The following ZNF678 variants were observed in gnomAD, a reference collection of about 807,000 sequenced individuals.
ZNF678 encodes hypothetical protein MGC42493.
A neutral mutation model predicts 3.0 loss-of-function variants in ZNF678; 5 were observed. The ratio of observed to expected loss-of-function variants is 1.69; its 90% confidence interval spans 0.88 to 3.56. ZNF678 has a LOEUF of 3.56. ZNF678 is among the 30% of genes most tolerant of loss of function. The pLI, the probability that ZNF678 is intolerant of heterozygous loss-of-function variation, is 0.00. For synonymous variants in ZNF678, 218 were observed against 199.6 expected, an observed-to-expected ratio of 1.09 and a Z score of -0.78; for missense variants, 593 against 605.0, an observed-to-expected ratio of 0.98 and a Z score of 0.21.
At chr1:227,565,719 T>C (rs755110416) in intron 1 of ZNF678, among the ~76,000 whole-genome samples, 16 of 152,234 alleles carry the variant, frequency 1.1e-4, no homozygotes, top group South Asian at 2.1e-4. Flanking sequence ...TTGAAAACTT[T>C]GGAAACTTTA....
chr1:227,648,220 A>G (rs569054328), intron 2 of ZNF678, among the ~76,000 whole-genome samples: 5 of 152,186 alleles, frequency 3.3e-5, no homozygotes, highest in Non-Finnish European at 7.4e-5. Context: ...TGCTGAGCGT[A>G]TATTAAACTC....
intron 1 of ZNF678, among the ~76,000 whole-genome samples, chr1:227,586,015 C>T (rs1237518953): frequency 6.6e-6 from 1 of 152,030 alleles, no homozygotes; most frequent in African/African-American, 2.4e-5. Flanking sequence ...TTCAACATGT[C>T]CACTTTTCAG....
At chr1:227,580,894 C>G (rs1043785158) in intron 1 of ZNF678, among the ~76,000 whole-genome samples, 1 of 150,804 alleles carries the variant, frequency 6.6e-6, no homozygotes, top group African/African-American at 2.4e-5. Context: ...CCCGCCTTTG[C>G]ACTCCAGCCT....
chr1:227,594,094 A>G (rs989399476), intron 1 of ZNF678, among the ~76,000 whole-genome samples: 2 of 152,130 alleles, frequency 1.3e-5, no homozygotes, highest in African/African-American at 4.8e-5. Flanking sequence ...TTTTAAAGAA[A>G]TTGACCTTTT....
chr1:227,601,359 G>A (rs1490561013), intron 1 of ZNF678, among the ~76,000 whole-genome samples: 2 of 151,964 alleles, frequency 1.3e-5, no homozygotes, highest in Non-Finnish European at 2.9e-5. Context: ...TTTTTTAAAT[G>A]CATGACCTTG....
At chr1:227,665,331 A>T (rs1020685128), downstream of ZNF678, among the ~76,000 whole-genome samples, 2 of 152,190 alleles carry the variant, frequency 1.3e-5, no homozygotes, top group African/African-American at 4.8e-5. Flanking sequence ...TTTCCATTAT[A>T]TGTAAAATCA....
intron 1 of ZNF678, among the ~76,000 whole-genome samples, chr1:227,606,126 G>A (rs1344336807): frequency 6.6e-6 from 1 of 152,236 alleles, no homozygotes; most frequent in South Asian, 2.1e-4. Context: ...AAGAACAGGG[G>A]GCCCAGGGGA....
chr1:227,605,880 T>C lies in ZNF678; in HGVS notation c.-163-40664T>C, dbSNP rs184040268. The stretch of plus-strand genomic sequence containing the variant: ...ACACACACACACAAATTGGGGAAAC[T>C]TGTGGAAGTATAAGCATAAATGGAT... On this transcript the variant is annotated intron_variant, in intron 1 of 3. Coordinates refer to ENST00000343776, the MANE Select transcript of ZNF678 (RefSeq NM_001367909.1). 2.2e-3 allele frequency among the ~76,000 whole-genome samples: 342 copies of C among 152,316 alleles called. 2 individuals are homozygous for C. The highest frequency in any genetic ancestry group is 7.9e-3 in the African/African-American group (329 of 41,562).
downstream of ZNF678, among the ~76,000 whole-genome samples, chr1:227,677,860 A>G (rs1659710666): frequency 6.6e-6 from 1 of 152,232 alleles, no homozygotes; most frequent in Non-Finnish European, 1.5e-5. Context: ...AATAAACTAC[A>G]TCTGTCCAAG....
intron 1 of ZNF678, among the ~76,000 whole-genome samples, chr1:227,632,664 C>CA (rs1658576483): frequency 6.6e-6 from 1 of 152,138 alleles, no homozygotes; most frequent in Admixed American, 6.5e-5. Flanking sequence ...GTCTGGCAGC[C>CA]ACGCTGATCG....
Position 227,660,218 on chromosome 1 carries a change from C to A in ZNF678, c.*4390C>A, listed in dbSNP as rs1291431783. 1 of 151,588 alleles carries A rather than the reference C, an allele frequency of 6.6e-6. No homozygotes were observed. The highest frequency in any genetic ancestry group is 1.5e-5 in the Non-Finnish European group (1 of 67,946). The allele number at this position is 151,588 out of a possible 1,614,324, so 9.4% of individuals were successfully genotyped here. On this transcript the variant is annotated 3_prime_UTR_variant, in exon 4 of 4. Transcript: ENST00000343776. ...TTGACTGTCAAGTAGTGCAGTGCTT[C>A]CAACCTTCAGAGTCTTTTACTGTAC...
chr1:227,653,191 C>G (rs1659130115), intron 3 of ZNF678, among the ~76,000 whole-genome samples: 1 of 152,048 alleles, frequency 6.6e-6, no homozygotes, highest in South Asian at 2.1e-4. Flanking sequence ...CTTTCAACAT[C>G]TTATTCCTCT....
At chr1:227,611,616 C>G (rs552650173) in intron 1 of ZNF678, among the ~76,000 whole-genome samples, 2 of 152,306 alleles carry the variant, frequency 1.3e-5, no homozygotes, top group South Asian at 2.1e-4. Flanking sequence ...GGCTCTTCCA[C>G]TAGTCCCATG....
chr1:227,634,637 A>G (rs1483407099), intron 1 of ZNF678, among the ~76,000 whole-genome samples: 1 of 152,178 alleles, frequency 6.6e-6, no homozygotes, highest in East Asian at 1.9e-4. Flanking sequence ...TGCCTTTGGA[A>G]CAAAATGAGG....
chr1:227,564,526 G>C (rs1239107184), intron 1 of ZNF678, among the ~76,000 whole-genome samples: 1 of 152,080 alleles, frequency 6.6e-6, no homozygotes, highest in East Asian at 1.9e-4. Context: ...CCACTCCTCT[G>C]TTCTCCCAGC....
intron 1 of ZNF678, among the ~76,000 whole-genome samples, chr1:227,613,497 C>A (rs986438745): frequency 6.6e-6 from 1 of 152,168 alleles, no homozygotes; most frequent in Admixed American, 6.5e-5. Flanking sequence ...GATTTCACCT[C>A]GAGATGTGGC....
In ZNF678 at chr1:227,658,815, T is replaced by C. The variant is rs1659324069; in HGVS notation, c.*2987T>C. On this transcript the variant is annotated 3_prime_UTR_variant, in exon 4 of 4. Coordinates refer to ENST00000343776, the MANE Select transcript of ZNF678 (RefSeq NM_001367909.1). ...GATTAAATTACTGAGTTAGTAATGT[T>C]TGTATGAAAGAAATGTTATTAGATT... The C allele has an allele frequency of 6.6e-6, 1 of 152,066 alleles. No individual in the cohort carries two copies. Among genetic ancestry groups the C allele is most frequent in the South Asian group, 2.1e-4 (1 of 4,828 alleles). 9.4% of individuals were successfully genotyped at this position (152,066 alleles called of 1,614,324 possible). A position where few individuals can be genotyped will look rare whatever the true frequency, so the allele number is the denominator to read the frequency against.
At chr1:227,574,279 A>G (rs909786321) in intron 1 of ZNF678, among the ~76,000 whole-genome samples, 1 of 152,140 alleles carries the variant, frequency 6.6e-6, no homozygotes, top group African/African-American at 2.4e-5. Flanking sequence ...ACTAATTTAC[A>G]CTCCCACCAA....
At chr1:227,563,994 G>T (rs1380822213) in intron 1 of ZNF678, among the ~76,000 whole-genome samples, 1 of 152,278 alleles carries the variant, frequency 6.6e-6, no homozygotes, top group Non-Finnish European at 1.5e-5. Context: ...AGCCAAATCG[G>T]TGTGCGAAAC....
Sources: gnomAD v4.1 joint callset for allele counts (sites outside exome capture counted in the v4.1 genomes callset) on GRCh38, gnomAD v4.1.1 for gene constraint, MANE v1.5 for transcripts, NCBI Gene and HGNC (gene_info 2026-07-23, HGNC 2026-07-21) for gene names.